Variants in ZNF20 observed in about 807,000 individuals in gnomAD.
ZNF20 encodes zinc finger protein KOX13.
ZNF20 carries 9 observed loss-of-function variants against 11.0 expected under a neutral mutation model. The ratio of observed to expected loss-of-function variants is 0.82; its 90% CI spans 0.49 to 1.43. ZNF20 has a LOEUF of 1.43. Ranked by LOEUF, ZNF20 falls within the 40% of genes most tolerant of loss-of-function variation. ZNF20 has a pLI of 0.00. For missense variants in ZNF20, 528 were observed against 640.8 expected, an observed-to-expected ratio of 0.82 and a Z score of 1.90; for synonymous variants, 182 against 213.0, an observed-to-expected ratio of 0.85 and a Z score of 1.27.
rs776427584 is a variant in ZNF20, at chr19:12,134,018, G to A, written c.201-33C>T. The A allele has an allele frequency of 4.5e-6, 7 of 1,562,124 alleles. 1 individual carries two copies. In the South Asian group the frequency reaches 4.8e-5, roughly 11 times the overall value. ...GAAAAATGAGAAGCACATTATTAAC[G>A]GTTTGATTAAAAGTGACTTATAGGG... On this transcript the variant is annotated intron_variant, in intron 3 of 3. Transcript: ENST00000334213.
Position 12,132,530 on chromosome 19 carries a change from T to G in ZNF20, c.*57A>C, listed in dbSNP as rs760759084. 1 of 1,503,004 alleles carries G rather than the reference T, an allele frequency of 6.7e-7. No individual in the cohort carries two copies. The highest frequency in any genetic ancestry group is 8.9e-7 in the Non-Finnish European group (1 of 1,123,264). 93.1% of individuals were successfully genotyped at this position (1,503,004 alleles called of 1,614,324 possible). ...CTTTCACCACTCTCTTTTCTTGTGT[T>G]TCAAAGGAAGTGGGACAACAGAAAG... On this transcript the variant is annotated 3_prime_UTR_variant, in exon 4 of 4. Coordinates refer to ENST00000334213, the MANE Select transcript of ZNF20 (RefSeq NM_021143.4).
Position 12,133,102 on chromosome 19 carries a change from TG to T in ZNF20, c.1083del (p.His361GlnfsTer177). 1 of 1,614,030 alleles carries T rather than the reference TG, an allele frequency of 6.2e-7. No homozygotes were observed. Among genetic ancestry groups the T allele is most frequent in the Non-Finnish European group, 8.5e-7 (1 of 1,180,000 alleles). On this transcript the variant is annotated frameshift_variant, in exon 4 of 4. Coordinates refer to ENST00000334213, the MANE Select transcript of ZNF20 (RefSeq NM_021143.4). LOFTEE classifies it low-confidence loss of function (END_TRUNC). Reference protein sequence around the residue: ...TSDLQRHEKTHTEDKPYGCKQ... With the variant: ...TSDLQRHEKTXTEDKPYGCKQ... ...TTACATCCATAGGGTTTATCCTCAG[TG>T]TGTGTCTTTTCATGCCTTTGAAGGT...
In ZNF20 at chr19:12,133,772, A is replaced by G. The variant is rs1976665107; in HGVS notation, c.414T>C (p.Tyr138=). The G allele has an allele frequency of 6.2e-7, 1 of 1,614,078 alleles. No individual in the cohort carries two copies. The highest frequency in any genetic ancestry group is 8.5e-7 in the Non-Finnish European group (1 of 1,180,046). The stretch of plus-strand genomic sequence containing the variant: ...CCTTATTTCTATATGGATTCTCTCC[A>G]TATTCCTGATACTCAGATGACTTGT... ...TGHKSSEYQE[Y]GENPYRNKEC... The change falls in exon 4 of 4, where the codon TAT becomes TAC. Residue 138 remains tyrosine (Y), a synonymous_variant. Coordinates refer to ENST00000334213, the MANE Select transcript of ZNF20 (RefSeq NM_021143.4).
rs772468429 is a variant in ZNF20 at position 12,140,331 on chromosome 19, T to C, written c.-149A>G. On this transcript the variant is annotated 5_prime_UTR_variant, in exon 1 of 4. It removes an upstream start codon present in the reference 5' UTR. Transcript: ENST00000334213. ...TCTGGTATCCCGACAACAACCTGCA[T>C]AGCAACAAAAGTAGAAGCTGGAATG... 5.8e-6 allele frequency: 6 copies of C among 1,028,112 alleles called. No homozygotes were observed. In the South Asian group the frequency reaches 6.8e-5, roughly 12 times the overall value. 63.7% of individuals were successfully genotyped at this position (1,028,112 alleles called of 1,614,324 possible). A position where few individuals can be genotyped will look rare whatever the true frequency, so the allele number is the denominator to read the frequency against.
Position 12,133,839 on chromosome 19 carries a change from C to A in ZNF20, c.347G>T (p.Gly116Val). Reference sequence around the variant, plus strand: ...GATATGCGTATTAAGAGATGAATGACCCGTGCCAACTTCTCCACACACACT... The same window carrying A: ...GATATGCGTATTAAGAGATGAATGAACCGTGCCAACTTCTCCACACACACT... ...ESSVCGEVGT[G>V]HSSLNTHIRA... is the part of the protein sequence containing the mutation. Residue 116 changes from glycine to valine, a missense_variant, in exon 4 of 4, where the codon GGT becomes GTT. Transcript: ENST00000334213. 6.2e-7 allele frequency: 1 copy of A among 1,614,142 alleles called. No individual in the cohort carries two copies. Among genetic ancestry groups the A allele is most frequent in the East Asian group, 2.2e-5 (1 of 44,882 alleles).
rs746676870 is a variant in ZNF20, at chr19:12,133,332, C to A, written c.854G>T (p.Cys285Phe). ...RSHTGEKPYE[C>F]KQCGKVFISF... ...AATGAAGACTTTCCCACATTGCTTA[C>A]ACTCATAGGGTTTTTCTCCAGTGTG... Residue 285 changes from cysteine to phenylalanine, a missense_variant, in exon 4 of 4, where the codon TGT becomes TTT. Transcript: ENST00000334213. The A allele has an allele frequency of 6.2e-7, 1 of 1,614,214 alleles. No homozygotes were observed. Among genetic ancestry groups the A allele is most frequent in the East Asian group, 2.2e-5 (1 of 44,880 alleles).
rs1474448354 is a variant in ZNF20 at position 12,132,804 on chromosome 19, G to C, written c.1382C>G (p.Thr461Ser). The C allele has an allele frequency of 6.2e-7, 1 of 1,612,992 alleles. No homozygotes were observed. Among genetic ancestry groups the C allele is most frequent in the Non-Finnish European group, 8.5e-7 (1 of 1,179,778 alleles). ...YECKVCGKAF[T>S]CSSSIRYHER... ...ATGATATCGAATGGAACTGGAACAA[G>C]TGAAGGCTTTGCCACATACCTTACA... The change falls in exon 4 of 4, where the codon ACT becomes AGT. Residue 461 changes from threonine to serine, a missense_variant. Coordinates refer to ENST00000334213, the MANE Select transcript of ZNF20 (RefSeq NM_021143.4).
intron 1 of ZNF20, among the ~76,000 whole-genome samples, chr19:12,136,382 A>C (rs764726556): frequency 7.3e-5 from 11 of 150,904 alleles, no homozygotes; most frequent in Non-Finnish European, 1.5e-4. Flanking sequence ...TCTCAAAAAA[A>C]TAATAATAAA....
chr19:12,136,479 C>T (rs1267293942), intron 1 of ZNF20, among the ~76,000 whole-genome samples: 6 of 150,874 alleles, frequency 4.0e-5, no homozygotes, highest in Non-Finnish European at 8.8e-5. Context: ...GTCGGGAGTT[C>T]GAAACCAGCC....
intron 3 of ZNF20, 46 bp downstream of exon 3, chr19:12,135,454 T>G: frequency 6.3e-7 from 1 of 1,599,338 alleles, no homozygotes; most frequent in Non-Finnish European, 8.6e-7. Flanking sequence ...TTCTCACATT[T>G]TAAGATTTTC....
Position 12,135,731 on chromosome 19 carries a change from T to TTG in ZNF20, c.139+37_139+38insCA, listed in dbSNP as rs755921499. ...AGCATTGATGAGCTAGAAGCATTTG[T>TTG]TCTCTAATTCACTGGGAAGTAATAT... On this transcript the variant is annotated intron_variant, in intron 2 of 3. Transcript: ENST00000334213. 176 of 1,608,902 alleles carry TTG rather than the reference T, an allele frequency of 1.1e-4. 3 individuals are homozygous for TTG. The South Asian group carries it at 1.8e-3, about 16-fold the overall frequency.
chr19:12,136,336 A>T (rs775113917), intron 1 of ZNF20, among the ~76,000 whole-genome samples: 1 of 151,924 alleles, frequency 6.6e-6, no homozygotes, highest in South Asian at 2.1e-4. Context: ...AGATCGCGTC[A>T]CTGCACTCCG....
intron 2 of ZNF20, 28 bp from the exon 3 acceptor site, chr19:12,135,588 G>T: frequency 6.2e-7 from 1 of 1,608,080 alleles, no homozygotes; most frequent in Non-Finnish European, 8.5e-7. Context: ...AGAAAACACA[G>T]ATCCAGAATT....
chr19:12,139,241 A>AC lies in ZNF20; in HGVS notation c.3+938dup, dbSNP rs1328028449. ...CATCCTCTCCTTTTACATAGAGTAT[A>AC]CCCCAAGTAACCAATGGAATCCTCC... On this transcript the variant is annotated intron_variant, in intron 1 of 3. Transcript: ENST00000334213. The surrounding 1 kb of genome is among the most constrained non-coding windows in gnomAD (Gnocchi z 4.0). Among the ~76,000 whole-genome samples, 3 of 152,232 alleles carry AC rather than the reference A, an allele frequency of 2.0e-5. No individual in the cohort carries two copies. The highest frequency in any genetic ancestry group is 4.4e-5 in the Non-Finnish European group (3 of 68,040).
At position 12,133,455 on chromosome 19, in the gene ZNF20, A is replaced by C. The variant is rs761029897; in HGVS notation, c.731T>G (p.Val244Gly). The C allele has an allele frequency of 4.8e-5, 77 of 1,614,002 alleles. 1 individual carries two copies. In the South Asian group the frequency reaches 8.0e-4, roughly 17 times the overall value. ...CACTCCTGTGTGAGTTCTTTCATGT[A>C]CTGGAAGGGTAGTGGAACGAGTAAA... ...KAFTRSTTLP[V>G]HERTHTGVNA... The change falls in exon 4 of 4, where the codon GTA becomes GGA. Residue 244 changes from valine (V) to glycine (G), a missense_variant. Physicochemically the swap from Val to Gly is moderately radical, Grantham distance 109. Coordinates refer to ENST00000334213, the MANE Select transcript of ZNF20 (RefSeq NM_021143.4).
Position 12,135,905 on chromosome 19 carries a change from C to A in ZNF20, c.4-1G>T, listed in dbSNP as rs749035322. On this transcript the variant is annotated splice_acceptor_variant, in intron 1 of 3. Coordinates refer to ENST00000334213, the MANE Select transcript of ZNF20 (RefSeq NM_021143.4). LOFTEE classifies it high-confidence loss of function. ...CAAAGGCCACTGAATCCTGAAACAT[C>A]TCACATATATAAAAGAGGACAGGTA... The A allele has an allele frequency of 2.5e-6, 4 of 1,613,668 alleles. No individual in the cohort carries two copies. The highest frequency in any genetic ancestry group is 3.4e-6 in the Non-Finnish European group (4 of 1,179,932).
rs920801059 is a variant in ZNF20 at position 12,139,233 on chromosome 19, T to C, written c.3+947A>G. Reference sequence around the variant, plus strand: ...CCTTACTTCATCCTCTCCTTTTACATAGAGTATACCCCAAGTAACCAATGG... The same window carrying C: ...CCTTACTTCATCCTCTCCTTTTACACAGAGTATACCCCAAGTAACCAATGG... On this transcript the variant is annotated intron_variant, in intron 1 of 3. Coordinates refer to ENST00000334213, the MANE Select transcript of ZNF20 (RefSeq NM_021143.4). The surrounding 1 kb of genome is among the most constrained non-coding windows in gnomAD (Gnocchi z 4.0). Among the ~76,000 whole-genome samples, 3 of 152,228 alleles carry C rather than the reference T, an allele frequency of 2.0e-5. No homozygotes were observed. The highest frequency in any genetic ancestry group is 7.2e-5 in the African/African-American group (3 of 41,466).
chr19:12,137,734 G>T, intron 1 of ZNF20: 1 of 144,548 alleles, frequency 6.9e-6, no homozygotes, highest in Non-Finnish European at 1.5e-5. Flanking sequence ...TCATCTGTCT[G>T]GGATGTGATA....
At chr19:12,135,111 AT>A (rs1400094817) in intron 3 of ZNF20, among the ~76,000 whole-genome samples, 2 of 148,890 alleles carry the variant, frequency 1.3e-5, no homozygotes, top group Admixed American at 1.3e-4. Flanking sequence ...TACTGGGCTT[AT>A]TTCTTTTGCT....
Sources: allele counts gnomAD v4.1 joint callset (sites outside exome capture counted in the v4.1 genomes callset), GRCh38; gene constraint gnomAD v4.1.1; non-coding constraint Gnocchi (gnomAD v3.1); transcripts MANE v1.5; gene names NCBI Gene and HGNC (gene_info 2026-07-23, HGNC 2026-07-21).